CLIC5: variants seen among roughly 807,000 people sequenced by gnomAD.
CLIC5 encodes the protein CLIC family member 5.
CLIC5 carries 20 observed loss-of-function variants against 24.7 expected under a neutral mutation model. The ratio of observed to expected loss-of-function variants is 0.81; its 90% confidence interval spans 0.57 to 1.18. The LOEUF (loss-of-function observed/expected upper bound fraction) is 1.18, where lower values mean the gene tolerates loss of function less well. Ranked by LOEUF, CLIC5 falls within the 50% of genes most tolerant of loss-of-function variation. The probability of loss-of-function intolerance (pLI) is 0.00; values close to 1 mark genes in which losing one functional copy is unlikely to be tolerated. For synonymous variants in CLIC5, 159 were observed against 135.6 expected (o/e 1.17, Z -1.20); for missense variants, 341 against 326.1 (o/e 1.05, Z -0.35).
chr6:45,970,506 A>G (rs1472461770), intron 1 of CLIC5, among the ~76,000 whole-genome samples: 2 of 152,234 alleles, frequency 1.3e-5, no homozygotes, highest in Non-Finnish European at 2.9e-5. Context: ...AGAGTAAGGC[A>G]GGAAATGTTC....
chr6:45,886,577 T>G (rs1404424641), intron 6 of CLIC5, among the ~76,000 whole-genome samples: 1 of 152,212 alleles, frequency 6.6e-6, no homozygotes, highest in Non-Finnish European at 1.5e-5. Context: ...TTATGCTTTT[T>G]GAGGATTAGC....
intron 1 of CLIC5, among the ~76,000 whole-genome samples, chr6:45,988,302 T>G (rs149346599): frequency 1.6e-4 from 25 of 152,358 alleles, no homozygotes; most frequent in Non-Finnish European, 2.4e-4. Flanking sequence ...TAGTCCTTTT[T>G]AGTTTGATAT....
chr6:45,981,243 A>G (rs1156821288), intron 1 of CLIC5, among the ~76,000 whole-genome samples: 1 of 152,088 alleles, frequency 6.6e-6, no homozygotes, highest in Non-Finnish European at 1.5e-5. Flanking sequence ...TGTTGGAATT[A>G]CAGGCATGAG....
intron 4 of CLIC5, among the ~76,000 whole-genome samples, chr6:45,920,877 G>T (rs1763230503): frequency 6.6e-6 from 1 of 152,186 alleles, no homozygotes; most frequent in African/African-American, 2.4e-5. Context: ...GAGAGGCAAA[G>T]ATATTCTAAG....
intron 1 of CLIC5, among the ~76,000 whole-genome samples, chr6:46,072,955 T>A (rs1762655086): frequency 6.6e-6 from 1 of 152,174 alleles, no homozygotes; most frequent in African/African-American, 2.4e-5. Context: ...ATGAATATAT[T>A]CCCAGGCTAG....
At chr6:45,884,055 G>T (rs1361433989) in intron 6 of CLIC5, among the ~76,000 whole-genome samples, 1 of 152,210 alleles carries the variant, frequency 6.6e-6, no homozygotes, top group Non-Finnish European at 1.5e-5. Context: ...ATAATAAGGA[G>T]TCTGGAGGTA....
At chr6:46,057,766 G>C (rs1428997385) in intron 1 of CLIC5, among the ~76,000 whole-genome samples, 2 of 152,120 alleles carry the variant, frequency 1.3e-5, no homozygotes, top group East Asian at 3.8e-4. Context: ...CCTCATATGT[G>C]GTACAACCTA....
intron 4 of CLIC5, chr6:45,934,380 G>A (rs1348592587): frequency 1.3e-5 from 2 of 152,108 alleles, no homozygotes; most frequent in African/African-American, 4.8e-5. Flanking sequence ...GGCCCCCCAA[G>A]ACAGAGGAAT....
intron 4 of CLIC5, 109 bp from the exon 5 acceptor site, chr6:45,914,518 A>G (rs1581727071): frequency 1.5e-6 from 2 of 1,315,642 alleles, no homozygotes; most frequent in African/African-American, 1.5e-5. Flanking sequence ...CCTTCATCAC[A>G]CTGCCAGCTC....
the CLIC5 span, among the ~76,000 whole-genome samples, chr6:46,121,380 C>T: frequency 2.0e-5 from 3 of 152,294 alleles, no homozygotes; most frequent in Middle Eastern, 3.4e-3. Context: ...CAAGCAAATG[C>T]TGAGAGATTT....
At chr6:46,012,603 C>T (rs1766845482) in intron 1 of CLIC5, among the ~76,000 whole-genome samples, 1 of 152,194 alleles carries the variant, frequency 6.6e-6, no homozygotes, top group African/African-American at 2.4e-5. Flanking sequence ...AATAAGGTAT[C>T]AGGCCTGACA....
the CLIC5 span, among the ~76,000 whole-genome samples, chr6:46,129,328 C>G: frequency 3.3e-5 from 5 of 152,196 alleles, no homozygotes; most frequent in African/African-American, 1.2e-4. Flanking sequence ...GGTAACTGCT[C>G]TTTATGTTGG....
intron 1 of CLIC5, among the ~76,000 whole-genome samples, chr6:45,975,408 C>T (rs541210897): frequency 3.3e-5 from 5 of 152,132 alleles, no homozygotes; most frequent in South Asian, 4.1e-4. Flanking sequence ...TCCTGTCATT[C>T]GATATGCAAC....
intron 1 of CLIC5, among the ~76,000 whole-genome samples, chr6:46,026,255 T>C (rs1303239729): frequency 6.6e-6 from 1 of 152,172 alleles, no homozygotes; most frequent in Non-Finnish European, 1.5e-5. Context: ...GGAAGCAATG[T>C]AAAAGTCCTC....
chr6:45,978,605 G>A (rs1403260736), intron 1 of CLIC5, among the ~76,000 whole-genome samples: 1 of 152,196 alleles, frequency 6.6e-6, no homozygotes, highest in Admixed American at 6.5e-5. Flanking sequence ...AAGTGATGCT[G>A]AGGCTTCTAG....
chr6:46,022,822 AT>A (rs1212205287), intron 1 of CLIC5, among the ~76,000 whole-genome samples: 1 of 152,150 alleles, frequency 6.6e-6, no homozygotes, highest in Non-Finnish European at 1.5e-5. Flanking sequence ...GCTCATACTC[AT>A]TTTAGAAGCC....
chr6:45,979,503 C>T (rs1253683285), intron 1 of CLIC5, among the ~76,000 whole-genome samples: 3 of 152,200 alleles, frequency 2.0e-5, no homozygotes, highest in African/African-American at 7.2e-5. Context: ...GCTATGTGGG[C>T]TCCACCCACT....
intron 1 of CLIC5, among the ~76,000 whole-genome samples, chr6:46,067,659 G>T (rs1229534653): frequency 1.3e-5 from 2 of 152,140 alleles, no homozygotes; most frequent in Non-Finnish European, 2.9e-5. Flanking sequence ...GAGCTCAAAA[G>T]ATCAAATAAG....
intron 1 of CLIC5, among the ~76,000 whole-genome samples, chr6:46,037,035 A>G (rs1482812094): frequency 1.3e-5 from 2 of 152,180 alleles, no homozygotes. Flanking sequence ...CCTTAGTTTA[A>G]CAACCCATAT....
Sources: allele counts gnomAD v4.1 joint callset (sites outside exome capture counted in the v4.1 genomes callset), GRCh38; gene constraint gnomAD v4.1.1; transcripts MANE v1.5; gene names NCBI Gene and HGNC (gene_info 2026-07-23, HGNC 2026-07-21).